The following UBE2O variants were observed in gnomAD, a reference collection of about 807,000 sequenced individuals.
UBE2O encodes the protein (E3-independent) E2 ubiquitin-conjugating enzyme.
A neutral mutation model predicts 125.8 loss-of-function variants in UBE2O; 15 were observed. The ratio of observed to expected loss-of-function variants is 0.12; its 90% CI spans 0.08 to 0.18. UBE2O has a LOEUF of 0.18. Among genes scored for constraint, UBE2O ranks in the 10% least tolerant of loss-of-function variants. UBE2O has a pLI of 1.00. For synonymous variants in UBE2O, 708 were observed against 703.2 expected, an observed-to-expected ratio of 1.01 and a Z score of -0.11; for missense variants, 1,280 against 1,723.6, an observed-to-expected ratio of 0.74 and a Z score of 4.56.
rs1021338499 is a variant in UBE2O, at chr17:76,398,757, A to C, written c.1783+80T>G. 4.5e-6 allele frequency: 7 copies of C among 1,559,108 alleles called. No individual in the cohort carries two copies. The Admixed American group carries it at 1.2e-4, about 27-fold the overall frequency. ...TCATTTTAGCTCTGACCCCAGATCC[A>C]CTGCCCATTCTCCACAAGCCCCAAC... On this transcript the variant is annotated intron_variant, in intron 10 of 17. Coordinates refer to ENST00000319380, the MANE Select transcript of UBE2O (RefSeq NM_022066.4). This position sits in a 1 kb window ranked among gnomAD's most constrained non-coding sequence, Gnocchi z 5.4.
chr17:76,436,108 A>G (rs1434482379), intron 1 of UBE2O, among the ~76,000 whole-genome samples: 2 of 152,194 alleles, frequency 1.3e-5, no homozygotes, highest in South Asian at 2.1e-4. Flanking sequence ...TTAGCCAGGC[A>G]TGGTGGTGTG....
chr17:76,419,777 G>T (rs536400525), intron 1 of UBE2O, among the ~76,000 whole-genome samples: 8 of 152,360 alleles, frequency 5.3e-5, no homozygotes, highest in Admixed American at 5.2e-4. Flanking sequence ...CAGGCAGGAA[G>T]GCCATGCTGT....
intron 1 of UBE2O, among the ~76,000 whole-genome samples, chr17:76,416,180 G>GTATATGTGTATATATGTGTGTATATGTA (rs1567843439): frequency 6.6e-6 from 1 of 151,680 alleles, no homozygotes; most frequent in African/African-American, 2.4e-5. Flanking sequence ...ACGTGTGTGT[G>GTATATGTGTATATATGTGTGTATATGTA]TGTATATGTA....
In UBE2O at chr17:76,405,513, G is replaced by A. The variant is rs749483780; in HGVS notation, c.477C>T (p.Thr159=). The A allele has an allele frequency of 4.1e-5, 66 of 1,597,046 alleles. No individual in the cohort carries two copies. The South Asian group carries it at 5.8e-4, about 14-fold the overall frequency. The change falls in exon 2 of 18, where the codon ACC becomes ACT. Residue 159 remains threonine, a splice_region_variant and synonymous_variant. Coordinates refer to ENST00000319380, the MANE Select transcript of UBE2O (RefSeq NM_022066.4). This position sits in a 1 kb window ranked among gnomAD's most constrained non-coding sequence, Gnocchi z 6.1. ...GCTGGGGTGGGGACGCAGGACTCACGGTGGATCGCATGTGCCGGACCACAT... is the reference window on the plus strand; with the variant it reads ...GCTGGGGTGGGGACGCAGGACTCACAGTGGATCGCATGTGCCGGACCACAT... ...PRDVVRHMRS[T]DSQCGTVIDV... is the part of the protein sequence containing the mutation.
Position 76,400,098 on chromosome 17 carries a change from C to A in UBE2O, c.1155+49G>T, listed in dbSNP as rs371501522. 1.3e-6 allele frequency: 2 copies of A among 1,590,104 alleles called. No individual in the cohort carries two copies. The highest frequency in any genetic ancestry group is 1.1e-5 in the South Asian group (1 of 87,162). On this transcript the variant is annotated intron_variant, in intron 8 of 17. Coordinates refer to ENST00000319380, the MANE Select transcript of UBE2O (RefSeq NM_022066.4). This position sits in a 1 kb window ranked among gnomAD's most constrained non-coding sequence, Gnocchi z 4.3. Reference sequence around the variant, plus strand: ...GTCCTTCTTGGCCATGGAAATGGCTCAAGGCCAGTTCCTCAAATGCCCACC... The same window carrying A: ...GTCCTTCTTGGCCATGGAAATGGCTAAAGGCCAGTTCCTCAAATGCCCACC...
In UBE2O at chr17:76,396,775, G is replaced by A. The variant is rs768739112; in HGVS notation, c.2162C>T (p.Ser721Leu). ...ESEIEESDYD[S>L]VEGSTSGASS... Reference sequence around the variant, plus strand: ...TGCCCCGCTGGTGCTGCCTTCTACCGAATCGTAGTCTGACTCCTCAATCTC... The same window carrying A: ...TGCCCCGCTGGTGCTGCCTTCTACCAAATCGTAGTCTGACTCCTCAATCTC... The change falls in exon 14 of 18, where the codon TCG (serine) becomes TTG (leucine). Residue 721 changes from serine to leucine, a missense_variant. Coordinates refer to ENST00000319380, the MANE Select transcript of UBE2O (RefSeq NM_022066.4). The surrounding 1 kb of genome is among the most constrained non-coding windows in gnomAD (Gnocchi z 6.7). 5 of 1,611,702 alleles carry A rather than the reference G, an allele frequency of 3.1e-6. No homozygotes were observed. The South Asian group carries it at 3.3e-5, about 11-fold the overall frequency.
chr17:76,436,338 G>C (rs1258864456), intron 1 of UBE2O, among the ~76,000 whole-genome samples: 1 of 152,140 alleles, frequency 6.6e-6, no homozygotes, highest in Non-Finnish European at 1.5e-5. Flanking sequence ...CCGAGTGGTA[G>C]AATTATGGGT....
At chr17:76,429,573 A>G (rs1420699567) in intron 1 of UBE2O, among the ~76,000 whole-genome samples, 1 of 150,600 alleles carries the variant, frequency 6.6e-6, no homozygotes, top group Non-Finnish European at 1.5e-5. Flanking sequence ...AAGTTAAAAA[A>G]GTTGAGGTGA....
intron 1 of UBE2O, among the ~76,000 whole-genome samples, chr17:76,408,614 A>C (rs2072463601): frequency 1.3e-5 from 2 of 152,226 alleles, no homozygotes; most frequent in Non-Finnish European, 2.9e-5. Flanking sequence ...AACTCTCTTC[A>C]TTTCTGAGGC....
chr17:76,399,335 AC>A lies in UBE2O; in HGVS notation c.1628+113del. On this transcript the variant is annotated intron_variant, in intron 9 of 17. Coordinates refer to ENST00000319380, the MANE Select transcript of UBE2O (RefSeq NM_022066.4). The surrounding 1 kb of genome is among the most constrained non-coding windows in gnomAD (Gnocchi z 6.9). ...TGTCTCGGGTGGGAGCCCCGGAGCC[AC>A]TACAAGGCATGCAGAGGTGTGTGTG... The A allele has an allele frequency of 9.0e-7, 1 of 1,113,008 alleles. No individual in the cohort carries two copies. The highest frequency in any genetic ancestry group is 1.3e-6 in the Non-Finnish European group (1 of 769,400). 68.9% of individuals were successfully genotyped at this position (1,113,008 alleles called of 1,614,324 possible). A position where few individuals can be genotyped will look rare whatever the true frequency, so the allele number is the denominator to read the frequency against.
At chr17:76,408,746 A>G (rs1034151970) in intron 1 of UBE2O, among the ~76,000 whole-genome samples, 1 of 152,190 alleles carries the variant, frequency 6.6e-6, no homozygotes, top group African/African-American at 2.4e-5. Flanking sequence ...GCAGGTGAAC[A>G]CTAGAGGGCA....
In UBE2O at chr17:76,453,068, A is replaced by ACTGCCTCCGGGG. The variant is rs1469986775; in HGVS notation, c.62_73dup (p.Ala21_Ala24dup). 2 of 1,291,492 alleles carry ACTGCCTCCGGGG rather than the reference A, an allele frequency of 1.5e-6. No homozygotes were observed. Among genetic ancestry groups the ACTGCCTCCGGGG allele is most frequent in the African/African-American group, 3.1e-5 (2 of 63,544 alleles). The allele number at this position is 1,291,492 out of a possible 1,614,324, so 80.0% of individuals were successfully genotyped here. ...GACGGGGGCTGCGGCTGGGGCCGGG[A>ACTGCCTCCGGGG]CTGCCTCCGGGGCTGGAGCCGGGGC... On this transcript the variant is annotated inframe_insertion, in exon 1 of 18. Coordinates refer to ENST00000319380, the MANE Select transcript of UBE2O (RefSeq NM_022066.4).
At chr17:76,445,513 G>A (rs2073137564) in intron 1 of UBE2O, among the ~76,000 whole-genome samples, 1 of 152,128 alleles carries the variant, frequency 6.6e-6, no homozygotes, top group Non-Finnish European at 1.5e-5. Flanking sequence ...TATGTCAACT[G>A]ACTGCAATGT....
At chr17:76,445,293 C>T (rs1359016562) in intron 1 of UBE2O, among the ~76,000 whole-genome samples, 1 of 151,344 alleles carries the variant, frequency 6.6e-6, no homozygotes, top group Non-Finnish European at 1.5e-5. Context: ...CATAGTCAGA[C>T]TGTTTCCCAG....
chr17:76,408,322 G>A (rs1219465543), intron 1 of UBE2O, among the ~76,000 whole-genome samples: 3 of 152,252 alleles, frequency 2.0e-5, no homozygotes, highest in Admixed American at 6.5e-5. Context: ...TTCTCCAAGC[G>A]TTTCACTGTC....
chr17:76,415,168 T>C (rs2072580801), intron 1 of UBE2O, among the ~76,000 whole-genome samples: 1 of 152,140 alleles, frequency 6.6e-6, no homozygotes, highest in Non-Finnish European at 1.5e-5. Flanking sequence ...ACAGAGCAAG[T>C]TCACAGCCTC....
chr17:76,451,798 G>C (rs2073249737), intron 1 of UBE2O, among the ~76,000 whole-genome samples: 1 of 151,960 alleles, frequency 6.6e-6, no homozygotes, highest in Admixed American at 6.6e-5. Flanking sequence ...GTGTGTGTGT[G>C]TGTGTCAATT....
intron 1 of UBE2O, among the ~76,000 whole-genome samples, chr17:76,440,178 C>T (rs1268582479): frequency 6.6e-6 from 1 of 152,190 alleles, no homozygotes; most frequent in African/African-American, 2.4e-5. Flanking sequence ...CTATCTAAGT[C>T]TCTGAAGCAG....
At position 76,401,135 on chromosome 17, in the gene UBE2O, G is replaced by C. The variant is rs2072316198; in HGVS notation, c.770C>G (p.Ser257Cys). Residue 257 changes from serine to cysteine, a missense_variant, in exon 6 of 18, where the codon TCC becomes TGC. Coordinates refer to ENST00000319380, the MANE Select transcript of UBE2O (RefSeq NM_022066.4). The part of the protein sequence containing the change: ...VSDSGLFFDD[S>C]YGFYPGQVLI... ...CACCTGGCCTGGGTAGAAGCCATAG[G>C]AATCATCGAAGAAGAGACCCTGCGG... 6.2e-7 allele frequency: 1 copy of C among 1,613,768 alleles called. No homozygotes were observed. The highest frequency in any genetic ancestry group is 8.5e-7 in the Non-Finnish European group (1 of 1,180,014).
Sources: gnomAD v4.1 joint callset for allele counts (sites outside exome capture counted in the v4.1 genomes callset) on GRCh38, gnomAD v4.1.1 for gene constraint, Gnocchi (gnomAD v3.1) non-coding constraint, MANE v1.5 for transcripts, NCBI Gene and HGNC (gene_info 2026-07-23, HGNC 2026-07-21) for gene names.